DPP6: variants seen among roughly 807,000 people sequenced by gnomAD.
DPP6 encodes the protein dipeptidyl peptidase like 6.
Under a neutral mutation model 122.6 loss-of-function variants are expected in DPP6, and 69 were observed. The ratio of observed to expected loss-of-function variants is 0.56; its 90% CI spans 0.46 to 0.69. The LOEUF is 0.69. Ranked by LOEUF, DPP6 falls within the 30% of genes least tolerant of loss-of-function variation. DPP6 has a pLI of 0.00. For synonymous variants in DPP6, 418 were observed against 433.1 expected (o/e 0.97, Z 0.43); for missense variants, 928 against 1,116.9 (o/e 0.83, Z 2.41).
chr7:154,633,372 G>A (rs541399810), intron 5 of DPP6, among the ~76,000 whole-genome samples: 5 of 152,238 alleles, frequency 3.3e-5, no homozygotes, highest in South Asian at 2.1e-4. Flanking sequence ...GAGTAGCTGC[G>A]ATTACAGGCA....
At chr7:153,952,826 T>G (rs1802283406) in intron 1 of DPP6, among the ~76,000 whole-genome samples, 1 of 152,232 alleles carries the variant, frequency 6.6e-6, no homozygotes, top group Non-Finnish European at 1.5e-5. Context: ...TAGCAAATGC[T>G]TAAAATTGGT....
chr7:153,874,581 G>A, the DPP6 span, among the ~76,000 whole-genome samples: 1 of 152,072 alleles, frequency 6.6e-6, no homozygotes, highest in Non-Finnish European at 1.5e-5. Context: ...TCACTGCGTT[G>A]GCCAGGCTTG....
chr7:154,635,601 C>G lies in DPP6; in HGVS notation c.628-2220C>G, dbSNP rs563262642. 5.3e-5 allele frequency among the ~76,000 whole-genome samples: 8 copies of G among 152,350 alleles called. No homozygotes were observed. In the South Asian group the frequency reaches 1.7e-3, roughly 32 times the overall value. On this transcript the variant is annotated intron_variant, in intron 5 of 25. Coordinates refer to ENST00000377770, the MANE Select transcript of DPP6 (RefSeq NM_130797.4). Reference sequence around the variant, plus strand: ...TTACCCCAAACTCAGTGGCTTAAGACAGCCAACATTTAATCTTGCAGTCAC... The same window carrying G: ...TTACCCCAAACTCAGTGGCTTAAGAGAGCCAACATTTAATCTTGCAGTCAC...
intron 1 of DPP6, among the ~76,000 whole-genome samples, chr7:154,130,999 C>T (rs1795250666): frequency 6.6e-6 from 1 of 152,104 alleles, no homozygotes; most frequent in Non-Finnish European, 1.5e-5. Flanking sequence ...GGCAGTTCGT[C>T]AGTGGCCGAT....
intron 3 of DPP6, among the ~76,000 whole-genome samples, chr7:154,518,343 T>C (rs891092111): frequency 3.3e-5 from 5 of 152,214 alleles, no homozygotes; most frequent in Non-Finnish European, 7.3e-5. Flanking sequence ...TTGTTCCAAA[T>C]ACATTAAAGT....
chr7:154,417,410 T>G lies in DPP6; in HGVS notation c.244-28804T>G, dbSNP rs1475111105. Among the ~76,000 whole-genome samples the G allele has an allele frequency of 2.0e-5, 3 of 152,064 alleles. No homozygotes were observed. The East Asian group carries it at 5.8e-4, about 29-fold the overall frequency. On this transcript the variant is annotated intron_variant, in intron 1 of 25. Coordinates refer to ENST00000377770, the MANE Select transcript of DPP6 (RefSeq NM_130797.4). ...TTAAATGCACAAGCCCCTAGAAAAA[T>G]AATGCCTGAGACTTTCTAAACGGAA...
At chr7:154,883,030 T>TACACATGCTCACAC (rs756563012) in intron 21 of DPP6, among the ~76,000 whole-genome samples, 1 of 141,416 alleles carries the variant, frequency 7.1e-6, no homozygotes, top group African/African-American at 2.7e-5. Context: ...TGCTCACCCA[T>TACACATGCTCACAC]ACACATGCTC....
At chr7:154,255,809 A>G (rs972343235) in intron 1 of DPP6, among the ~76,000 whole-genome samples, 1 of 152,196 alleles carries the variant, frequency 6.6e-6, no homozygotes, top group East Asian at 1.9e-4. Context: ...AGACACTTAA[A>G]ATAATAGGAA....
chr7:154,549,482 T>C (rs1255330733), intron 4 of DPP6, among the ~76,000 whole-genome samples: 1 of 152,202 alleles, frequency 6.6e-6, no homozygotes, highest in Non-Finnish European at 1.5e-5. Context: ...TTTGAAGAGC[T>C]CACAGTAAGA....
intron 19 of DPP6, among the ~76,000 whole-genome samples, chr7:154,873,341 G>A (rs1045314422): frequency 6.6e-6 from 1 of 152,164 alleles, no homozygotes; most frequent in African/African-American, 2.4e-5. Context: ...GCACGGGGAG[G>A]CAGTGCAGAG....
At chr7:154,883,863 A>G (rs1356779851) in intron 21 of DPP6, 1 of 69,774 alleles carries the variant, frequency 1.4e-5, no homozygotes, top group East Asian at 8.0e-4. Flanking sequence ...TCACATGATT[A>G]CACATGCTCC....
At chr7:153,935,213 C>T (rs963773765) in intron 1 of DPP6, among the ~76,000 whole-genome samples, 2 of 151,770 alleles carry the variant, frequency 1.3e-5, no homozygotes, top group African/African-American at 4.8e-5. Flanking sequence ...GGTCAGCAGA[C>T]AGAGAGGGAC....
At chr7:154,842,213 G>A (rs1226194383) in intron 16 of DPP6, among the ~76,000 whole-genome samples, 1 of 152,186 alleles carries the variant, frequency 6.6e-6, no homozygotes, top group Non-Finnish European at 1.5e-5. Context: ...ATTCACCAAT[G>A]CTTAAGAGAT....
At chr7:154,794,800 G>A (rs1297956428) in intron 11 of DPP6, among the ~76,000 whole-genome samples, 1 of 152,290 alleles carries the variant, frequency 6.6e-6, no homozygotes, top group African/African-American at 2.4e-5. Context: ...CCTCACCCTC[G>A]CCCCATGGGA....
intron 3 of DPP6, among the ~76,000 whole-genome samples, chr7:154,502,109 A>G (rs1323420647): frequency 6.6e-6 from 1 of 152,082 alleles, no homozygotes. Context: ...CCAATTTCTC[A>G]CATTTGGAAT....
Position 154,161,434 on chromosome 7 carries a change from T to A in DPP6, c.243+108371T>A, listed in dbSNP as rs537254473. On this transcript the variant is annotated intron_variant, in intron 1 of 25. Transcript: ENST00000377770. ...ATCGCTTGAACCCAGGAGGCAGAGG[T>A]TGCAGTGAGCCGAGATCATACCATC... 3.2e-3 allele frequency among the ~76,000 whole-genome samples: 490 copies of A among 151,936 alleles called. 3 individuals are homozygous for A. Among genetic ancestry groups the A allele is most frequent in the African/African-American group, 0.011 (445 of 41,416 alleles).
chr7:153,815,886 A>C, the DPP6 span, among the ~76,000 whole-genome samples: 2 of 152,212 alleles, frequency 1.3e-5, no homozygotes, highest in Non-Finnish European at 2.9e-5. Context: ...GAAATAAATT[A>C]ATATAAATTA....
chr7:154,061,708 C>A (rs1445291759), intron 1 of DPP6, among the ~76,000 whole-genome samples: 1 of 85,194 alleles, frequency 1.2e-5, no homozygotes, highest in Non-Finnish European at 2.6e-5. Flanking sequence ...GGGGGGGAGG[C>A]AATCCCCGCG....
chr7:154,102,783 T>C (rs1029102018), intron 1 of DPP6, among the ~76,000 whole-genome samples: 1 of 152,210 alleles, frequency 6.6e-6, no homozygotes, highest in African/African-American at 2.4e-5. Context: ...TTCCAGCTCC[T>C]TTTTCCTGAT....
Sources: gnomAD v4.1 joint callset for allele counts (sites outside exome capture counted in the v4.1 genomes callset) on GRCh38, gnomAD v4.1.1 for gene constraint, MANE v1.5 for transcripts, NCBI Gene and HGNC (gene_info 2026-07-23, HGNC 2026-07-21) for gene names.